The following JAKMIP3 variants were observed in gnomAD, a reference collection of about 807,000 sequenced individuals.
JAKMIP3 encodes the protein janus kinase and microtubule-interacting protein 3.
In JAKMIP3, 58 loss-of-function variants were observed where a neutral mutation model predicts 118.5. That is an observed-to-expected ratio of 0.49 (90% CI 0.40 to 0.61). JAKMIP3 has a LOEUF of 0.61. JAKMIP3 is among the 20% of genes least tolerant of loss of function. The pLI, the probability that JAKMIP3 is intolerant of heterozygous loss-of-function variation, is 0.00. For synonymous variants in JAKMIP3, 486 were observed against 451.2 expected (o/e 1.08, Z -0.98); for missense variants, 950 against 1,109.0 (o/e 0.86, Z 2.04).
At chr10:132,053,035 C>T (rs1229806312) in intron 1 of JAKMIP3, among the ~76,000 whole-genome samples, 1 of 152,168 alleles carries the variant, frequency 6.6e-6, no homozygotes, top group Non-Finnish European at 1.5e-5. Flanking sequence ...TTTCCTGGTT[C>T]TCATTGGCTA....
upstream of JAKMIP3, among the ~76,000 whole-genome samples, chr10:132,061,268 C>T (rs1011404308): frequency 1.4e-5 from 2 of 144,004 alleles, no homozygotes; most frequent in African/African-American, 2.5e-5. Context: ...GCCGTGATGG[C>T]GCGCACACAC....
chr10:132,042,184 C>CTCGCTCCTTCCTTCCTTCCT (rs1554909340), intron 1 of JAKMIP3, among the ~76,000 whole-genome samples: 16 of 132,096 alleles, frequency 1.2e-4, no homozygotes, highest in African/African-American at 4.2e-4. Context: ...TGCTCGCTCG[C>CTCGCTCCTTCCTTCCTTCCT]TCCTTCCTTC....
intron 2 of JAKMIP3, among the ~76,000 whole-genome samples, chr10:132,109,155 CAT>C (rs1353077191): frequency 2.7e-5 from 4 of 149,714 alleles, no homozygotes; most frequent in South Asian, 2.1e-4. Context: ...TATACACACA[CAT>C]ATATTAAAAA....
intron 22 of JAKMIP3, among the ~76,000 whole-genome samples, chr10:132,167,727 C>T (rs2059051286): frequency 6.6e-6 from 1 of 152,120 alleles, no homozygotes; most frequent in African/African-American, 2.4e-5. Context: ...CCATGAAGCC[C>T]CTCATCCCTC....
chr10:132,105,499 C>T (rs937225523), intron 2 of JAKMIP3, among the ~76,000 whole-genome samples: 2 of 117,644 alleles, frequency 1.7e-5, no homozygotes, highest in East Asian at 2.8e-4. Flanking sequence ...TTTGAAGCCT[C>T]GGGAAAGATT....
Position 132,044,249 on chromosome 10 carries a change from C to T in JAKMIP3, c.-138+7511C>T, listed in dbSNP as rs537705366. 2.7e-4 allele frequency among the ~76,000 whole-genome samples: 41 copies of T among 152,340 alleles called. No homozygotes were observed. The highest frequency in any genetic ancestry group is 5.3e-4 in the Non-Finnish European group (36 of 68,034). ...GCCCTTAGCAAACATTTCCTAGACA[C>T]GTCTCCTGGTCCAGGCATCGTGGAC... is the stretch of plus-strand genomic sequence containing the variant. On this transcript the variant is annotated intron_variant, in intron 1 of 23. Coordinates refer to the JAKMIP3 transcript ENST00000657785. The surrounding 1 kb of genome is among the most constrained non-coding windows in gnomAD (Gnocchi z 5.3).
intron 23 of JAKMIP3, among the ~76,000 whole-genome samples, chr10:132,176,498 A>G (rs941565522): frequency 6.6e-6 from 1 of 152,072 alleles, no homozygotes; most frequent in African/African-American, 2.4e-5. Flanking sequence ...CACCCAAAAC[A>G]AACACTGACC....
At chr10:132,167,131 A>G (rs1292831406) in intron 22 of JAKMIP3, 76 bp downstream of exon 22, 8 of 1,032,996 alleles carry the variant, frequency 7.7e-6, no homozygotes, top group Non-Finnish European at 4.3e-6. Context: ...CTGCCCTGCC[A>G]GGGAGTTGCC....
upstream of JAKMIP3, among the ~76,000 whole-genome samples, chr10:132,064,603 T>C (rs1032114532): frequency 2.0e-5 from 3 of 152,154 alleles, no homozygotes; most frequent in African/African-American, 7.2e-5. This position sits in a 1 kb window ranked among gnomAD's most constrained non-coding sequence, Gnocchi z 4.4. Context: ...CCCTGTGACA[T>C]AGAGGCAGCG....
rs1261480743 is a variant in JAKMIP3, at chr10:132,179,790, C to T, written c.*1104-2567C>T. Among the ~76,000 whole-genome samples, 1 of 152,200 alleles carries T rather than the reference C, an allele frequency of 6.6e-6. No individual in the cohort carries two copies. Among genetic ancestry groups the T allele is most frequent in the Non-Finnish European group, 1.5e-5 (1 of 68,042 alleles). On this transcript the variant is annotated intron_variant, in intron 23 of 23. Transcript: ENST00000684848. This position sits in a 1 kb window ranked among gnomAD's most constrained non-coding sequence, Gnocchi z 4.3. ...CAACAGCCACACCATGGCACAGCCACACCATTATCGCAGCCCTATAATCGG... is the reference window on the plus strand; with the variant it reads ...CAACAGCCACACCATGGCACAGCCATACCATTATCGCAGCCCTATAATCGG...
At chr10:132,139,204 G>GTGTGTGTT (rs1564947472) in intron 9 of JAKMIP3, among the ~76,000 whole-genome samples, 1 of 130,340 alleles carries the variant, frequency 7.7e-6, no homozygotes, top group Non-Finnish European at 1.7e-5. Context: ...GTATGAGTGT[G>GTGTGTGTT]TGTGTGTATG....
chr10:132,061,673 G>A (rs933147267), upstream of JAKMIP3, among the ~76,000 whole-genome samples: 6 of 152,182 alleles, frequency 3.9e-5, no homozygotes, highest in African/African-American at 1.2e-4. Context: ...CCAGGTCAGC[G>A]GTAGCACGGG....
intron 1 of JAKMIP3, among the ~76,000 whole-genome samples, chr10:132,102,876 G>C (rs186831282): frequency 1.5e-3 from 232 of 152,212 alleles, no homozygotes; most frequent in African/African-American, 5.3e-3. Context: ...GCAGGAGTAG[G>C]GGGGGAGGGC....
At chr10:132,158,091 G>GCCCCA (rs1469683083) in intron 19 of JAKMIP3, among the ~76,000 whole-genome samples, 22 of 95,612 alleles carry the variant, frequency 2.3e-4, no homozygotes, top group African/African-American at 1.1e-3. Flanking sequence ...GCCCCGCCCC[G>GCCCCA]CCCCGCCCCG....
intron 2 of JAKMIP3, among the ~76,000 whole-genome samples, chr10:132,109,229 G>A (rs1433428445): frequency 6.6e-6 from 1 of 152,010 alleles, no homozygotes. Context: ...CTTGAGCCCA[G>A]GAGGTCAAGG....
At chr10:132,080,606 C>G (rs1322791558) in intron 1 of JAKMIP3, among the ~76,000 whole-genome samples, 1 of 138,626 alleles carries the variant, frequency 7.2e-6, no homozygotes, top group Non-Finnish European at 1.5e-5. Context: ...ACTGCAACCT[C>G]TGCTTCCCAG....
At chr10:132,038,999 C>G (rs11146129) in intron 1 of JAKMIP3, among the ~76,000 whole-genome samples, 1 of 152,074 alleles carries the variant, frequency 6.6e-6, no homozygotes, top group Admixed American at 6.6e-5. Context: ...CGGAGCCGCT[C>G]GTGAGGCCAC....
intron 11 of JAKMIP3, chr10:132,144,787 G>A (rs2054283389): frequency 8.7e-6 from 2 of 229,484 alleles, no homozygotes; most frequent in Admixed American, 5.6e-5. Flanking sequence ...AAATTAGTGG[G>A]GTGTGGTGGT....
chr10:132,158,075 C>CG (rs1435099880), intron 19 of JAKMIP3, among the ~76,000 whole-genome samples: 3 of 110,626 alleles, frequency 2.7e-5, no homozygotes, highest in African/African-American at 1.5e-4. Context: ...TGCCCACCGC[C>CG]CCCCCGCCCC....
Sources: gnomAD v4.1 joint callset for allele counts (sites outside exome capture counted in the v4.1 genomes callset) on GRCh38, gnomAD v4.1.1 for gene constraint, Gnocchi (gnomAD v3.1) non-coding constraint, MANE v1.5 for transcripts, NCBI Gene and HGNC (gene_info 2026-07-23, HGNC 2026-07-21) for gene names.